MYT1: variants seen among roughly 807,000 people sequenced by gnomAD.
MYT1 encodes myelin transcription factor 1, also known as myelin transcription factor I.
Under a neutral mutation model 123.0 loss-of-function variants are expected in MYT1, and 23 were observed. The observed-to-expected ratio is 0.19, with a 90% confidence interval of 0.13 to 0.26. MYT1 has a LOEUF of 0.26. Ranked by LOEUF, MYT1 falls within the 10% of genes least tolerant of loss-of-function variation. The pLI is 1.00. For synonymous variants in MYT1, 518 were observed against 575.3 expected (o/e 0.90, Z 1.43); for missense variants, 1,125 against 1,472.5 (o/e 0.76, Z 3.86).
Position 64,202,916 on chromosome 20 carries a change from A to G in MYT1, c.87-2119A>G, listed in dbSNP as rs529894632. Among the ~76,000 whole-genome samples, 41 of 152,172 alleles carry G rather than the reference A, an allele frequency of 2.7e-4. 3 individuals carry two copies. The South Asian group carries it at 7.9e-3, about 29-fold the overall frequency. ...GCCCTGGCCGTCTTCCTCTCCCTACAACTCTGGCCCTGAGCACCCAGAGGA... is the reference window on the plus strand; with the variant it reads ...GCCCTGGCCGTCTTCCTCTCCCTACGACTCTGGCCCTGAGCACCCAGAGGA... On this transcript the variant is annotated intron_variant, in intron 4 of 22. Transcript: ENST00000328439. This position sits in a 1 kb window ranked among gnomAD's most constrained non-coding sequence, Gnocchi z 5.0.
chr20:64,178,108 G>C (rs972577562), intron 1 of MYT1, among the ~76,000 whole-genome samples: 6 of 152,350 alleles, frequency 3.9e-5, no homozygotes, highest in Admixed American at 3.9e-4. Flanking sequence ...TCTCTTCACA[G>C]AGGCCTCCAC....
Position 64,196,865 on chromosome 20 carries a change from T to C in MYT1, c.1-1997T>C, listed in dbSNP as rs1983138837. 6.6e-6 allele frequency among the ~76,000 whole-genome samples: 1 copy of C among 152,160 alleles called. No individual in the cohort carries two copies. The highest frequency in any genetic ancestry group is 1.5e-5 in the Non-Finnish European group (1 of 68,030). The stretch of plus-strand genomic sequence containing the variant: ...TTTAACCTAGCAGAATGCTTGCCAA[T>C]ATCCTTGGGAAAACTGGCAATAAAT... On this transcript the variant is annotated intron_variant, in intron 2 of 22. Coordinates refer to ENST00000328439, the MANE Select transcript of MYT1 (RefSeq NM_004535.3). The surrounding 1 kb of genome is among the most constrained non-coding windows in gnomAD (Gnocchi z 4.3).
chr20:64,205,476 G>A (rs1455189182), intron 5 of MYT1, 77 bp from the exon 6 acceptor site: 21 of 1,563,226 alleles, frequency 1.3e-5, no homozygotes, highest in African/African-American at 5.4e-5. Context: ...GAGGACCCTC[G>A]GGAGGGGCTC....
rs1352556525 is a variant in MYT1 at position 64,241,468 on chromosome 20, C to T, written c.*1020C>T. ...ATAGAATCCAAGTCAATTGTGACTG[C>T]AATTCCAAGTTAGTATTTAAAAATA... is the stretch of plus-strand genomic sequence containing the variant. On this transcript the variant is annotated 3_prime_UTR_variant, in exon 23 of 23. Transcript: ENST00000328439. The surrounding 1 kb of genome is among the most constrained non-coding windows in gnomAD (Gnocchi z 4.2). The T allele has an allele frequency of 6.6e-6, 1 of 152,550 alleles. No homozygotes were observed. Among genetic ancestry groups the T allele is most frequent in the African/African-American group, 2.4e-5 (1 of 41,444 alleles). 9.4% of individuals were successfully genotyped at this position (152,550 alleles called of 1,614,324 possible).
Position 64,189,387 on chromosome 20 carries a change from C to T in MYT1, c.-98-676C>T, listed in dbSNP as rs538740966. On this transcript the variant is annotated intron_variant, in intron 1 of 22. Transcript: ENST00000328439. The surrounding 1 kb of genome is among the most constrained non-coding windows in gnomAD (Gnocchi z 5.5). ...GTTTCTTTGTCATGTCCAGCTGATG[C>T]GTTCAGCCTCTGCTCAGACATGGGA... Among the ~76,000 whole-genome samples the T allele has an allele frequency of 4.6e-5, 7 of 152,298 alleles. No homozygotes were observed. Among genetic ancestry groups the T allele is most frequent in the South Asian group, 2.1e-4 (1 of 4,822 alleles).
chr20:64,213,540 T>C lies in MYT1; in HGVS notation c.1524T>C (p.Ser508=), dbSNP rs1346496365. 3 of 1,613,998 alleles carry C rather than the reference T, an allele frequency of 1.9e-6. No homozygotes were observed. In the Admixed American group the frequency reaches 5.0e-5, roughly 27 times the overall value. The change falls in exon 10 of 23, where the codon TCT becomes TCC. Residue 508 remains serine, a synonymous_variant. Transcript: ENST00000328439. This position sits in a 1 kb window ranked among gnomAD's most constrained non-coding sequence, Gnocchi z 5.6. The stretch of plus-strand genomic sequence containing the variant: ...CTCCTCTTCCTTCCTCTAGTTTGTC[T>C]GGGTGTCCCATTGCTGCCGCCGAAA... ...NSNRNTHRSL[S]GCPIAAAEKL...
chr20:64,180,431 C>G (rs756807702), intron 1 of MYT1, among the ~76,000 whole-genome samples: 2 of 152,218 alleles, frequency 1.3e-5, no homozygotes, highest in Non-Finnish European at 1.5e-5. Flanking sequence ...GTGTTTACTT[C>G]TTTGATCCAC....
At position 64,212,141 on chromosome 20, in the gene MYT1, A is replaced by G. The variant is rs2145719627; in HGVS notation, c.1517+3A>G. 6.3e-7 allele frequency: 1 copy of G among 1,575,502 alleles called. No individual in the cohort carries two copies. Among genetic ancestry groups the G allele is most frequent in the Non-Finnish European group, 8.6e-7 (1 of 1,157,144 alleles). On this transcript the variant is annotated splice_donor_region_variant and intron_variant, in intron 9 of 22. Coordinates refer to ENST00000328439, the MANE Select transcript of MYT1 (RefSeq NM_004535.3). This position sits in a 1 kb window ranked among gnomAD's most constrained non-coding sequence, Gnocchi z 6.8. ...AGCAACCGCAACACGCACAGAAGGTACTTGGACTGAGCTGGGCCGTAGTGG... is the reference window on the plus strand; with the variant it reads ...AGCAACCGCAACACGCACAGAAGGTGCTTGGACTGAGCTGGGCCGTAGTGG...
intron 4 of MYT1, among the ~76,000 whole-genome samples, chr20:64,201,026 A>G (rs1983282460): frequency 6.6e-6 from 1 of 152,180 alleles, no homozygotes; most frequent in South Asian, 2.1e-4. Context: ...GACCCCGAGT[A>G]AAGGGAAGAG....
rs772743983 is a variant in MYT1 at position 64,208,389 on chromosome 20, C to T, written c.1193C>T (p.Pro398Leu). Residue 398 changes from proline to leucine, a missense_variant, in exon 7 of 23, where the codon CCG becomes CTG. By Grantham distance (98) the Pro-to-Leu change is moderately conservative. Around this residue, in one of 4 missense-constraint regions of MYT1, gnomAD observed 429 missense variants for 604.1 expected, o/e 0.71. Coordinates refer to ENST00000328439, the MANE Select transcript of MYT1 (RefSeq NM_004535.3). The surrounding 1 kb of genome is among the most constrained non-coding windows in gnomAD (Gnocchi z 5.4). ...KAEQVRTVCE[P>L]GCPPAEQSQL... ...GAACAGGTGCGCACAGTCTGCGAGCCGGGCTGCCCGCCTGCCGAGCAGAGC... is the reference window on the plus strand; with the variant it reads ...GAACAGGTGCGCACAGTCTGCGAGCTGGGCTGCCCGCCTGCCGAGCAGAGC... The T allele has an allele frequency of 9.3e-6, 15 of 1,613,312 alleles. No homozygotes were observed. The highest frequency in any genetic ancestry group is 1.7e-5 in the Admixed American group (1 of 59,994).
chr20:64,229,145 A>T (rs1286990441), intron 18 of MYT1, among the ~76,000 whole-genome samples: 1 of 152,192 alleles, frequency 6.6e-6, no homozygotes. Context: ...TATTTATTTA[A>T]TTTTTACAAT....
Position 64,241,895 on chromosome 20 carries a change from T to C in MYT1, c.*1447T>C, listed in dbSNP as rs1444500321. The stretch of plus-strand genomic sequence containing the variant: ...GGGATTTTGTTTTCCCTTGGTCTAA[T>C]GGAGAGAAAGACATTTTGGTTTTCT... On this transcript the variant is annotated 3_prime_UTR_variant, in exon 23 of 23. Coordinates refer to ENST00000328439, the MANE Select transcript of MYT1 (RefSeq NM_004535.3). The surrounding 1 kb of genome is among the most constrained non-coding windows in gnomAD (Gnocchi z 4.2). 2 of 152,504 alleles carry C rather than the reference T, an allele frequency of 1.3e-5. No homozygotes were observed. The highest frequency in any genetic ancestry group is 2.9e-5 in the Non-Finnish European group (2 of 68,054). 9.4% of individuals were successfully genotyped at this position (152,504 alleles called of 1,614,324 possible).
intron 15 of MYT1, 52 bp from the exon 16 acceptor site, chr20:64,223,239 C>T: frequency 6.2e-7 from 1 of 1,613,394 alleles, no homozygotes; most frequent in Non-Finnish European, 8.5e-7. Context: ...CTCTCCTCCT[C>T]CTCTGCTCTC....
intron 20 of MYT1, 86 bp from the exon 21 acceptor site, chr20:64,237,201 G>T (rs1601727574): frequency 1.8e-6 from 2 of 1,104,188 alleles, no homozygotes; most frequent in East Asian, 5.0e-5. Context: ...GGGGGTTTCA[G>T]TTCTAGAAAG....
At chr20:64,211,871 G>A (rs2145719447) in intron 8 of MYT1, among the ~76,000 whole-genome samples, 177 bp from the exon 9 acceptor site, 1 of 152,198 alleles carries the variant, frequency 6.6e-6, no homozygotes, top group Admixed American at 6.5e-5. Context: ...GGGGAGTTGT[G>A]TCTGCAGGCT....
rs774011894 is a variant in MYT1, at chr20:64,199,886, T to C, written c.56-6T>C. On this transcript the variant is annotated splice_polypyrimidine_tract_variant and splice_region_variant and intron_variant, in intron 3 of 22. Coordinates refer to ENST00000328439, the MANE Select transcript of MYT1 (RefSeq NM_004535.3). ...CATGTTTTCCCTGTTTCTGTCTTTT[T>C]CCCAGGACCCCCAGAGACCACAGCT... The C allele has an allele frequency of 6.2e-6, 10 of 1,614,006 alleles. No homozygotes were observed. The highest frequency in any genetic ancestry group is 8.5e-6 in the Non-Finnish European group (10 of 1,179,968).
rs745569418 is a variant in MYT1 at position 64,203,138 on chromosome 20, TCA to T, written c.87-1893_87-1892del. 1.4e-4 allele frequency among the ~76,000 whole-genome samples: 21 copies of T among 152,276 alleles called. No homozygotes were observed. The highest frequency in any genetic ancestry group is 2.8e-4 in the Non-Finnish European group (19 of 68,014). On this transcript the variant is annotated intron_variant, in intron 4 of 22. Coordinates refer to ENST00000328439, the MANE Select transcript of MYT1 (RefSeq NM_004535.3). This position sits in a 1 kb window ranked among gnomAD's most constrained non-coding sequence, Gnocchi z 5.1. ...ACGCACTTGGGCTCACAGCCGTGTC[TCA>T]CACCCTCTGAGGCTGGGGCCGGAAG...
rs564533998 is a variant in MYT1, at chr20:64,165,401, G to T, written c.-99+662G>T. On this transcript the variant is annotated intron_variant, in intron 1 of 22. Coordinates refer to ENST00000328439, the MANE Select transcript of MYT1 (RefSeq NM_004535.3). ...TGGAGTGTGGTTGTTTATGGTGGTA[G>T]TGTAACTGGATTTTTGTATTTAAAA... is the stretch of plus-strand genomic sequence containing the variant. 1.9e-4 allele frequency among the ~76,000 whole-genome samples: 29 copies of T among 152,312 alleles called. No homozygotes were observed. In the East Asian group the frequency reaches 5.6e-3, roughly 29 times the overall value.
chr20:64,194,790 T>A (rs2012987), intron 2 of MYT1, among the ~76,000 whole-genome samples: 1 of 152,184 alleles, frequency 6.6e-6, no homozygotes, highest in Non-Finnish European at 1.5e-5. Context: ...CCCGTTGGGC[T>A]TCATGGAAAA....
Sources: gnomAD v4.1 joint callset for allele counts (sites outside exome capture counted in the v4.1 genomes callset) on GRCh38, gnomAD v4.1.1 for gene constraint, gnomAD v4.1.1 regional missense constraint, Gnocchi (gnomAD v3.1) non-coding constraint, MANE v1.5 for transcripts, NCBI Gene and HGNC (gene_info 2026-07-23, HGNC 2026-07-21) for gene names.